Variants in GALNT13 observed in about 807,000 individuals in gnomAD.
GALNT13 encodes the protein polypeptide N-acetylgalactosaminyltransferase 13, also known as UDP-GalNAc:polypeptide N-acetylgalactosaminyltransferase 13.
Under a neutral mutation model 64.2 loss-of-function variants are expected in GALNT13, and 28 were observed. The observed-to-expected ratio is 0.44, with a 90% CI of 0.32 to 0.60. The LOEUF (loss-of-function observed/expected upper bound fraction) is 0.60, where lower values mean the gene tolerates loss of function less well. GALNT13 is among the 20% of genes least tolerant of loss of function. GALNT13 has a pLI of 0.05. For missense variants in GALNT13, 577 were observed against 669.8 expected (o/e 0.86, Z 1.53); for synonymous variants, 214 against 224.6 (o/e 0.95, Z 0.42).
intron 4 of GALNT13, among the ~76,000 whole-genome samples, chr2:154,174,214 A>G (rs1169274537): frequency 6.6e-6 from 1 of 152,200 alleles, no homozygotes; most frequent in Non-Finnish European, 1.5e-5. Flanking sequence ...GGATGGTCTA[A>G]GTGGATTTAG....
chr2:154,177,799 C>A (rs910461183), intron 4 of GALNT13, among the ~76,000 whole-genome samples: 1 of 151,976 alleles, frequency 6.6e-6, no homozygotes, highest in African/African-American at 2.4e-5. Flanking sequence ...CAGAGAAAGA[C>A]CAGACCTGAA....
the GALNT13 span, among the ~76,000 whole-genome samples, chr2:153,459,324 A>T: frequency 6.6e-6 from 1 of 152,152 alleles, no homozygotes; most frequent in East Asian, 1.9e-4. Flanking sequence ...TATATTGATT[A>T]CAAAAGAATC....
At position 154,219,513 on chromosome 2, in the gene GALNT13, T is replaced by G. The variant is rs941889877; in HGVS notation, c.312-22517T>G. 5.3e-5 allele frequency among the ~76,000 whole-genome samples: 8 copies of G among 152,258 alleles called. No homozygotes were observed. In the East Asian group the frequency reaches 1.5e-3, roughly 29 times the overall value. ...TATTATTTTCAAGCAATATTCATAC[T>G]ATCTGGAAAACACATTAATAGTATA... On this transcript the variant is annotated intron_variant, in intron 4 of 12. Coordinates refer to ENST00000392825, the MANE Select transcript of GALNT13 (RefSeq NM_052917.4).
Position 154,140,372 on chromosome 2 carries a change from A to G in GALNT13, c.178A>G (p.Met60Val), listed in dbSNP as rs1314478293. The G allele has an allele frequency of 1.2e-6, 2 of 1,613,092 alleles. No homozygotes were observed. The highest frequency in any genetic ancestry group is 1.3e-5 in the African/African-American group (1 of 74,876). ...AAGAAACCAAGAAGGGCCAGGAGAA[A>G]TGGGAAAAGCTGTGTTGATTCCTAA... ...ISRNQEGPGE[M>V]GKAVLIPKDD... The change falls in exon 4 of 13, where the codon ATG (methionine) becomes GTG (valine). Residue 60 changes from methionine (M) to valine (V), a missense_variant. This residue lies in a region of GALNT13 where 341 missense variants were observed against 379.3 expected (regional missense o/e 0.90). Transcript: ENST00000392825.
the GALNT13 span, among the ~76,000 whole-genome samples, chr2:153,720,791 C>T: frequency 1.4e-5 from 2 of 147,824 alleles, no homozygotes; most frequent in Non-Finnish European, 3.0e-5. Flanking sequence ...AGCAAAGCCT[C>T]CAAGAAATAT....
At chr2:154,056,834 TTGTAA>T (rs1699917130) in intron 3 of GALNT13, among the ~76,000 whole-genome samples, 1 of 151,970 alleles carries the variant, frequency 6.6e-6, no homozygotes, top group Non-Finnish European at 1.5e-5. Context: ...AATTACCTAC[TTGTAA>T]TAAAATATTT....
chr2:153,815,193 C>G, the GALNT13 span, among the ~76,000 whole-genome samples: 1 of 152,158 alleles, frequency 6.6e-6, no homozygotes, highest in South Asian at 2.1e-4. Context: ...AAAGCAGACA[C>G]AGTTTACTTG....
the GALNT13 span, among the ~76,000 whole-genome samples, chr2:153,350,389 T>C: frequency 1.3e-5 from 2 of 149,060 alleles, no homozygotes; most frequent in Non-Finnish European, 3.0e-5. Flanking sequence ...TCTTTCTTTT[T>C]TTTTTTTTTT....
chr2:153,551,550 T>G, the GALNT13 span, among the ~76,000 whole-genome samples: 6 of 152,106 alleles, frequency 3.9e-5, no homozygotes, highest in Admixed American at 3.9e-4. Flanking sequence ...ATGGTGATAG[T>G]AGAAAAGACA....
At chr2:154,090,069 A>G (rs950182157) in intron 3 of GALNT13, among the ~76,000 whole-genome samples, 2 of 152,120 alleles carry the variant, frequency 1.3e-5, no homozygotes, top group Admixed American at 1.3e-4. Flanking sequence ...AAAAATGTAA[A>G]CAATATTATC....
chr2:153,253,447 G>T, the GALNT13 span, among the ~76,000 whole-genome samples: 1 of 135,016 alleles, frequency 7.4e-6, no homozygotes, highest in Non-Finnish European at 1.6e-5. Flanking sequence ...TTTCCTAATT[G>T]AATACCCTTT....
the GALNT13 span, among the ~76,000 whole-genome samples, chr2:153,552,714 C>CAACCTTTT: frequency 3.3e-5 from 5 of 151,782 alleles, no homozygotes; most frequent in African/African-American, 1.2e-4. Context: ...CAGTGGTCCC[C>CAACCTTTT]AACCTTTTTG....
the GALNT13 span, among the ~76,000 whole-genome samples, chr2:153,627,128 T>C: frequency 6.6e-6 from 1 of 152,064 alleles, no homozygotes; most frequent in Non-Finnish European, 1.5e-5. Context: ...TGCAGCCATC[T>C]TGAGACTATA....
At chr2:154,005,434 C>T (rs1217191099) in intron 3 of GALNT13, among the ~76,000 whole-genome samples, 1 of 152,136 alleles carries the variant, frequency 6.6e-6, no homozygotes, top group South Asian at 2.1e-4. Context: ...AAATTCTTCA[C>T]TACATAATCT....
At chr2:153,390,333 G>A in the GALNT13 span, among the ~76,000 whole-genome samples, 1 of 152,088 alleles carries the variant, frequency 6.6e-6, no homozygotes, top group Non-Finnish European at 1.5e-5. Context: ...CTAGGGGCAG[G>A]ATAACAGTAG....
At chr2:154,057,997 T>C (rs1209689000) in intron 3 of GALNT13, among the ~76,000 whole-genome samples, 2 of 152,178 alleles carry the variant, frequency 1.3e-5, no homozygotes, top group Non-Finnish European at 2.9e-5. Context: ...CCCAGGAAGA[T>C]ATTGTTATGG....
chr2:153,669,921 G>A, the GALNT13 span, among the ~76,000 whole-genome samples: 1 of 150,196 alleles, frequency 6.7e-6, no homozygotes, highest in Non-Finnish European at 1.5e-5. Context: ...CTCACTGCTA[G>A]TGCGGCAGTC....
At chr2:153,091,548 T>A in the GALNT13 span, among the ~76,000 whole-genome samples, 1 of 152,226 alleles carries the variant, frequency 6.6e-6, no homozygotes, top group African/African-American at 2.4e-5. Context: ...TCCTGGTACA[T>A]TCCTGTGGTA....
intron 9 of GALNT13, among the ~76,000 whole-genome samples, chr2:154,360,571 C>G (rs1233450354): frequency 6.6e-6 from 1 of 152,096 alleles, no homozygotes; most frequent in Non-Finnish European, 1.5e-5. Flanking sequence ...TTTTGTTTTG[C>G]TACTGGAATT....
Sources: gnomAD v4.1 joint callset for allele counts (sites outside exome capture counted in the v4.1 genomes callset) on GRCh38, gnomAD v4.1.1 for gene constraint, gnomAD v4.1.1 regional missense constraint, MANE v1.5 for transcripts, NCBI Gene and HGNC (gene_info 2026-07-23, HGNC 2026-07-21) for gene names.